Variants in XYLB observed in about 807,000 individuals in gnomAD.
XYLB encodes xylulokinase, also known as xylulose kinase.
A neutral mutation model predicts 78.7 loss-of-function variants in XYLB; 62 were observed. That is an observed-to-expected ratio of 0.79 (90% CI 0.64 to 0.97). XYLB has a LOEUF of 0.97. XYLB is among the 50% of genes least tolerant of loss of function. XYLB has a pLI of 0.00. For synonymous variants in XYLB, 245 were observed against 247.4 expected (o/e 0.99, Z 0.09); for missense variants, 687 against 676.8 (o/e 1.02, Z -0.17).
At chr3:38,353,662 G>A (rs56075778) in intron 2 of XYLB, among the ~76,000 whole-genome samples, 4,254 of 151,964 alleles carry the variant, frequency 0.028, 233 homozygotes, top group East Asian at 0.22. Context: ...TGAGGTGGGC[G>A]GATTACCTGA....
downstream of XYLB, among the ~76,000 whole-genome samples, chr3:38,418,126 T>G (rs1575555635): frequency 7.0e-6 from 1 of 143,298 alleles, no homozygotes; most frequent in Admixed American, 7.3e-5. Context: ...ACCTGGGAAG[T>G]GGAAGTTGCA....
intron 18 of XYLB, among the ~76,000 whole-genome samples, chr3:38,408,553 A>G (rs911569956): frequency 6.6e-6 from 1 of 152,092 alleles, no homozygotes; most frequent in Non-Finnish European, 1.5e-5. Flanking sequence ...ACTGAAGGAA[A>G]TACAGACACA....
chr3:38,379,399 C>T (rs546930548), intron 15 of XYLB, 57 bp downstream of exon 15: 33 of 1,559,922 alleles, frequency 2.1e-5, no homozygotes, highest in South Asian at 4.5e-5. Context: ...CCAGCTCACT[C>T]GCAGGGGCCA....
intron 18 of XYLB, among the ~76,000 whole-genome samples, chr3:38,405,362 T>C (rs1575535729): frequency 7.8e-6 from 1 of 127,832 alleles, no homozygotes; most frequent in African/African-American, 3.0e-5. Context: ...ACATGAGACC[T>C]CATCTCTTTA....
chr3:38,450,875 A>G, the XYLB span, among the ~76,000 whole-genome samples: 1 of 152,216 alleles, frequency 6.6e-6, no homozygotes, highest in Non-Finnish European at 1.5e-5. Flanking sequence ...GTGTACATGG[A>G]AAAAAGTAGT....
chr3:38,389,580 A>G (rs1201289684), intron 15 of XYLB, among the ~76,000 whole-genome samples: 1 of 147,960 alleles, frequency 6.8e-6, no homozygotes, highest in Non-Finnish European at 1.5e-5. Context: ...GCGGGGGCTG[A>G]CCCCCCACCT....
intron 18 of XYLB, among the ~76,000 whole-genome samples, chr3:38,408,916 T>C (rs1708452860): frequency 6.6e-6 from 1 of 151,226 alleles, no homozygotes; most frequent in African/African-American, 2.4e-5. Flanking sequence ...CCAAAAAGAG[T>C]CCAGGACCAG....
chr3:38,382,949 C>T (rs139324395), intron 15 of XYLB, among the ~76,000 whole-genome samples: 1 of 152,338 alleles, frequency 6.6e-6, no homozygotes, highest in East Asian at 1.9e-4. Flanking sequence ...AGGTTGCACG[C>T]ACGTGAGGAC....
chr3:38,386,284 A>G (rs1021386150), intron 15 of XYLB, among the ~76,000 whole-genome samples: 1 of 152,088 alleles, frequency 6.6e-6, no homozygotes, highest in South Asian at 2.1e-4. Context: ...ATGTACTTAC[A>G]TGTGGCCCTT....
In XYLB at chr3:38,379,285, A is replaced by C. The variant is rs1707025668; in HGVS notation, c.1234A>C (p.Ile412Leu). Reference sequence around the variant, plus strand: ...TGGGGATGTGGAGGTTCGAGCACTAATTGAAGGACAATTCATGGCCAAGAG... The same window carrying C: ...TGGGGATGTGGAGGTTCGAGCACTACTTGAAGGACAATTCATGGCCAAGAG... ...FPGDVEVRAL[I>L]EGQFMAKRIH... is the part of the protein sequence containing the mutation. Residue 412 changes from isoleucine (I) to leucine (L), a missense_variant, in exon 15 of 19, where the codon ATT becomes CTT. Coordinates refer to ENST00000207870, the MANE Select transcript of XYLB (RefSeq NM_005108.4). 3 of 1,614,160 alleles carry C rather than the reference A, an allele frequency of 1.9e-6. No individual in the cohort carries two copies. In the East Asian group the frequency reaches 6.7e-5, roughly 36 times the overall value.
chr3:38,371,916 G>A (rs922145254), intron 9 of XYLB, among the ~76,000 whole-genome samples: 1 of 152,218 alleles, frequency 6.6e-6, no homozygotes, highest in Non-Finnish European at 1.5e-5. Flanking sequence ...CCAAGCCACC[G>A]GGACTGGTAA....
chr3:38,387,422 G>A (rs1707431950), intron 15 of XYLB, among the ~76,000 whole-genome samples: 1 of 152,020 alleles, frequency 6.6e-6, no homozygotes, highest in African/African-American at 2.4e-5. Context: ...CCAGGCTGGA[G>A]TGCAGTGGCA....
chr3:38,347,033 C>T lies in XYLB; in HGVS notation c.57+108C>T. 3.5e-6 allele frequency: 4 copies of T among 1,155,568 alleles called. No individual in the cohort carries two copies. The South Asian group carries it at 1.0e-4, about 29-fold the overall frequency. 71.6% of individuals were successfully genotyped at this position (1,155,568 alleles called of 1,614,324 possible). On this transcript the variant is annotated intron_variant, in intron 1 of 18. Transcript: ENST00000207870. The stretch of plus-strand genomic sequence containing the variant: ...GAAAACATGGGCCCGGCCGCGGGCG[C>T]GCCTACCTCTCGGGCTTCCCGGGGC...
chr3:38,376,018 C>A, intron 12 of XYLB, 99 bp from the exon 13 acceptor site: 1 of 822,502 alleles, frequency 1.2e-6, no homozygotes, highest in South Asian at 1.4e-5. Flanking sequence ...GTGGTCCAGC[C>A]TGACCTGCAG....
downstream of XYLB, among the ~76,000 whole-genome samples, chr3:38,416,967 A>C (rs536138585): frequency 1.3e-5 from 2 of 152,358 alleles, no homozygotes; most frequent in African/African-American, 4.8e-5. Context: ...AAATTATGCA[A>C]GGAAAAATGA....
intron 15 of XYLB, among the ~76,000 whole-genome samples, chr3:38,389,250 C>T (rs1273736004): frequency 2.1e-5 from 3 of 145,308 alleles, no homozygotes; most frequent in African/African-American, 7.9e-5. Context: ...TCAGAGAGCA[C>T]AGGGTTGGGG....
intron 15 of XYLB, among the ~76,000 whole-genome samples, chr3:38,389,567 C>T (rs1407200457): frequency 3.3e-5 from 5 of 150,074 alleles, no homozygotes; most frequent in Middle Eastern, 3.4e-3. Context: ...GGCGGCTGGC[C>T]GGGCGGGGGC....
At chr3:38,400,152 C>G (rs1708062075) in intron 17 of XYLB, among the ~76,000 whole-genome samples, 1 of 152,206 alleles carries the variant, frequency 6.6e-6, no homozygotes, top group Non-Finnish European at 1.5e-5. Flanking sequence ...TGGCAACCTT[C>G]CCCCTGCTAC....
chr3:38,384,577 A>G (rs1226145802), intron 15 of XYLB, among the ~76,000 whole-genome samples: 1 of 152,330 alleles, frequency 6.6e-6, no homozygotes, highest in East Asian at 1.9e-4. Context: ...AAAAACAACT[A>G]TTTGTTTTAA....
Sources: allele counts gnomAD v4.1 joint callset (sites outside exome capture counted in the v4.1 genomes callset), GRCh38; gene constraint gnomAD v4.1.1; transcripts MANE v1.5; gene names NCBI Gene and HGNC (gene_info 2026-07-23, HGNC 2026-07-21).